SPRED2: variants seen among roughly 807,000 people sequenced by gnomAD.
The protein encoded by SPRED2 is sprouty-related, EVH1 domain-containing protein 2.
SPRED2 carries 47 observed loss-of-function variants against 43.0 expected under a neutral mutation model. That is an observed-to-expected ratio of 1.09 (90% confidence interval 0.87 to 1.40). The LOEUF (loss-of-function observed/expected upper bound fraction) is 1.40, where lower values mean the gene tolerates loss of function less well. SPRED2 is among the 40% of genes most tolerant of loss of function. SPRED2 has a pLI of 0.00. For missense variants in SPRED2, 561 were observed against 586.4 expected (o/e 0.96, Z 0.45); for synonymous variants, 225 against 225.7 (o/e 1.00, Z 0.03).
intron 4 of SPRED2, among the ~76,000 whole-genome samples, chr2:65,324,561 C>T (rs141537726): frequency 6.6e-5 from 10 of 152,178 alleles, no homozygotes; most frequent in Non-Finnish European, 1.3e-4. Context: ...TTCTTGGAAG[C>T]TTGGCTACTC....
intron 2 of SPRED2, among the ~76,000 whole-genome samples, chr2:65,342,611 A>C (rs1363828061): frequency 6.6e-6 from 1 of 152,180 alleles, no homozygotes. Flanking sequence ...AAACTATAAT[A>C]AACGTGGAAA....
At chr2:65,336,888 C>A (rs1253676963) in intron 2 of SPRED2, among the ~76,000 whole-genome samples, 1 of 152,158 alleles carries the variant, frequency 6.6e-6, no homozygotes, top group Non-Finnish European at 1.5e-5. Context: ...GCGGGCGGAT[C>A]ATGAGGTCAG....
In SPRED2 at chr2:65,310,944, T is replaced by A. The variant is rs1673051367; in HGVS notation, c.*2557A>T. On this transcript the variant is annotated 3_prime_UTR_variant, in exon 6 of 6. Transcript: ENST00000356388. ...GAAACCATAAAAAAAAGTTAAGAAC[T>A]AAAATGTACATCATACACTTGTATA... The A allele has an allele frequency of 1.0e-6, 1 of 983,330 alleles. No individual in the cohort carries two copies. The highest frequency in any genetic ancestry group is 1.7e-5 in the African/African-American group (1 of 57,158). The allele number at this position is 983,330 out of a possible 1,614,324, so 60.9% of individuals were successfully genotyped here. A position where few individuals can be genotyped will look rare whatever the true frequency, so the allele number is the denominator to read the frequency against.
At chr2:65,335,811 T>G (rs1673950660) in intron 2 of SPRED2, among the ~76,000 whole-genome samples, 1 of 152,230 alleles carries the variant, frequency 6.6e-6, no homozygotes, top group Non-Finnish European at 1.5e-5. Context: ...GAACGTAAAC[T>G]TCATTCTTTA....
chr2:65,401,796 T>C (rs1041267840), intron 1 of SPRED2, among the ~76,000 whole-genome samples: 1 of 151,598 alleles, frequency 6.6e-6, no homozygotes, highest in Non-Finnish European at 1.5e-5. Context: ...CCAGACTCTG[T>C]CTCAAAAAAT....
At chr2:65,365,401 T>C (rs1156412112) in intron 1 of SPRED2, among the ~76,000 whole-genome samples, 1 of 152,258 alleles carries the variant, frequency 6.6e-6, no homozygotes, top group Non-Finnish European at 1.5e-5. Context: ...CTGAATGTAG[T>C]TAAGTAAATT....
At chr2:65,431,158 C>T (rs1366530383) in intron 1 of SPRED2, among the ~76,000 whole-genome samples, 1 of 151,926 alleles carries the variant, frequency 6.6e-6, no homozygotes, top group Non-Finnish European at 1.5e-5. Flanking sequence ...GCATTGTTCC[C>T]CTCGGGCCCG....
intron 1 of SPRED2, among the ~76,000 whole-genome samples, chr2:65,356,859 T>G (rs1674667654): frequency 6.6e-6 from 1 of 152,066 alleles, no homozygotes; most frequent in Non-Finnish European, 1.5e-5. Flanking sequence ...CTGGGTGTGA[T>G]GGCGGGCACC....
intron 1 of SPRED2, among the ~76,000 whole-genome samples, chr2:65,383,943 A>G (rs923925805): frequency 5.9e-5 from 9 of 152,196 alleles, no homozygotes; most frequent in Non-Finnish European, 7.3e-5. Flanking sequence ...CATTTGCTGT[A>G]GCTGAGCAGC....
rs994799567 is a variant in SPRED2 at position 65,312,169 on chromosome 2, C to T, written c.*1332G>A. The T allele has an allele frequency of 2.3e-5, 23 of 985,538 alleles. No homozygotes were observed. In the South Asian group the frequency reaches 5.2e-4, roughly 22 times the overall value. 61.0% of individuals were successfully genotyped at this position (985,538 alleles called of 1,614,324 possible). ...TTTCCAGCTAATTAGAAGCCTCCTCCGTGGCAAGGCGACAGGCAGAACCAG... is the reference window on the plus strand; with the variant it reads ...TTTCCAGCTAATTAGAAGCCTCCTCTGTGGCAAGGCGACAGGCAGAACCAG... On this transcript the variant is annotated 3_prime_UTR_variant, in exon 6 of 6. Transcript: ENST00000356388.
intron 1 of SPRED2, among the ~76,000 whole-genome samples, chr2:65,352,594 C>A (rs1419535504): frequency 6.6e-6 from 1 of 152,162 alleles, no homozygotes; most frequent in African/African-American, 2.4e-5. Context: ...TAACCCCTAC[C>A]CTTAGAGGAC....
At chr2:65,377,601 G>T (rs759276250) in intron 1 of SPRED2, 1 of 471,230 alleles carries the variant, frequency 2.1e-6, no homozygotes, top group South Asian at 1.5e-5. Flanking sequence ...ACCTCAGAGG[G>T]CAGAAACTCA....
At chr2:65,365,790 A>G (rs1372917339) in intron 1 of SPRED2, among the ~76,000 whole-genome samples, 2 of 152,208 alleles carry the variant, frequency 1.3e-5, no homozygotes, top group Non-Finnish European at 2.9e-5. Flanking sequence ...ACACATAGGA[A>G]TGTTTAATAC....
intron 1 of SPRED2, among the ~76,000 whole-genome samples, chr2:65,376,602 T>C (rs575591955): frequency 6.6e-6 from 1 of 152,296 alleles, no homozygotes; most frequent in East Asian, 1.9e-4. Flanking sequence ...TGTGTATCCT[T>C]CTAGGGTTTA....
At chr2:65,423,575 T>G (rs1676486366) in intron 1 of SPRED2, among the ~76,000 whole-genome samples, 1 of 152,252 alleles carries the variant, frequency 6.6e-6, no homozygotes, top group Non-Finnish European at 1.5e-5. Flanking sequence ...GCAAGTCATT[T>G]CAGCTCTCTA....
intron 2 of SPRED2, 43 bp downstream of exon 2, chr2:65,344,676 A>C (rs763670789): frequency 1.2e-6 from 2 of 1,602,986 alleles, no homozygotes; most frequent in Admixed American, 1.7e-5. Flanking sequence ...TAAAGAAAGC[A>C]GTTGTTACTA....
Position 65,313,558 on chromosome 2 carries a change from G to T in SPRED2, c.1200C>A (p.Cys400Ter). Residue 400 changes from cysteine to a stop codon, truncating the protein, a stop_gained, in exon 6 of 6, where the codon TGC becomes TGA. Coordinates refer to ENST00000356388, the MANE Select transcript of SPRED2 (RefSeq NM_181784.3). LOFTEE classifies it high-confidence loss of function. ...CMCCYLPLRA[C>*]YHCGVMCRCC... is the part of the protein sequence containing the mutation. ...ACCTGCACATCACTCCGCAGTGGTAGCAGGCCCGAAGGGGCAGGTAACAGC... is the reference window on the plus strand; with the variant it reads ...ACCTGCACATCACTCCGCAGTGGTATCAGGCCCGAAGGGGCAGGTAACAGC... 6.2e-7 allele frequency: 1 copy of T among 1,613,914 alleles called. No homozygotes were observed. Among genetic ancestry groups the T allele is most frequent in the Non-Finnish European group, 8.5e-7 (1 of 1,179,872 alleles).
chr2:65,316,670 A>T, intron 5 of SPRED2, 64 bp downstream of exon 5: 1 of 1,545,166 alleles, frequency 6.5e-7, no homozygotes, highest in South Asian at 1.2e-5. Context: ...AGGAGGGGAA[A>T]GAGGCCATTC....
chr2:65,398,715 A>T (rs1489262846), intron 1 of SPRED2, among the ~76,000 whole-genome samples: 3 of 152,198 alleles, frequency 2.0e-5, no homozygotes. Flanking sequence ...AGATCCAAAA[A>T]TAATAGATGT....
Sources: allele counts gnomAD v4.1 joint callset (sites outside exome capture counted in the v4.1 genomes callset), GRCh38; gene constraint gnomAD v4.1.1; transcripts MANE v1.5; gene names NCBI Gene and HGNC (gene_info 2026-07-23, HGNC 2026-07-21).